The following SH3BGR variants were observed in gnomAD, a reference collection of about 807,000 sequenced individuals.
SH3BGR encodes SH3 domain binding glutamate rich protein.
SH3BGR carries 29 observed loss-of-function variants against 24.5 expected under a neutral mutation model. That is an observed-to-expected ratio of 1.18 (90% CI 0.88 to 1.61). The LOEUF (loss-of-function observed/expected upper bound fraction) is 1.61. Ranked by LOEUF, SH3BGR falls within the 40% of genes most tolerant of loss-of-function variation. SH3BGR has a pLI of 0.00. For missense variants in SH3BGR, 162 were observed against 205.8 expected (o/e 0.79, Z 1.30); for synonymous variants, 55 against 65.7 (o/e 0.84, Z 0.79).
chr21:39,467,530 A>G (rs900503729), intron 2 of SH3BGR, among the ~76,000 whole-genome samples: 7 of 152,150 alleles, frequency 4.6e-5, no homozygotes, highest in Admixed American at 2.0e-4. Flanking sequence ...TGTTTCCAGA[A>G]AGTAGGTAAA....
Position 39,511,164 on chromosome 21 carries a change from TTG to T in SH3BGR, c.436-509_436-508del, listed in dbSNP as rs1280401723. On this transcript the variant is annotated intron_variant, in intron 5 of 6. Coordinates refer to ENST00000333634, the MANE Select transcript of SH3BGR (RefSeq NM_007341.3). The surrounding 1 kb of genome is among the most constrained non-coding windows in gnomAD (Gnocchi z 4.2). Reference sequence around the variant, plus strand: ...TGTTGTATGTGTGGTGTATGTGTATTTGTGTGTGGTGTATATGGTGTGTGGTG... The same window carrying T: ...TGTTGTATGTGTGGTGTATGTGTATTTGTGTGGTGTATATGGTGTGTGGTG... Among the ~76,000 whole-genome samples, 1 of 150,918 alleles carries T rather than the reference TTG, an allele frequency of 6.6e-6. No homozygotes were observed. The highest frequency in any genetic ancestry group is 2.1e-4 in the South Asian group (1 of 4,778).
chr21:39,462,489 C>T lies in SH3BGR; in HGVS notation c.160C>T (p.Pro54Ser). ...CAGGAGGTGGATGAGAGAGAATGTTCCTGGAGAGAAAAAACCTCAAAATGG... is the reference window on the plus strand; with the variant it reads ...CAGGAGGTGGATGAGAGAGAATGTTTCTGGAGAGAAAAAACCTCAAAATGG... ...DNRRWMRENV[P>S]GEKKPQNGIP... Residue 54 changes from proline (P) to serine (S), a missense_variant, in exon 2 of 7, where the codon CCT becomes TCT. By Grantham distance (74) the Pro-to-Ser change is moderately conservative. Coordinates refer to ENST00000333634, the MANE Select transcript of SH3BGR (RefSeq NM_007341.3). 1.2e-6 allele frequency: 2 copies of T among 1,609,914 alleles called. No individual in the cohort carries two copies. Among genetic ancestry groups the T allele is most frequent in the Non-Finnish European group, 1.7e-6 (2 of 1,179,078 alleles).
chr21:39,499,750 AGCATATGTG>A (rs2078461367), intron 3 of SH3BGR, 64 bp from the exon 4 acceptor site: 1 of 1,081,058 alleles, frequency 9.3e-7, no homozygotes, highest in Non-Finnish European at 1.4e-6. Flanking sequence ...AGAAAGCCAC[AGCATATGTG>A]GCCTGTTTTT....
intron 4 of SH3BGR, among the ~76,000 whole-genome samples, chr21:39,500,432 A>G (rs967166904): frequency 2.6e-5 from 4 of 152,152 alleles, no homozygotes; most frequent in Non-Finnish European, 5.9e-5. Flanking sequence ...GTGAAGTCAC[A>G]TGATTAATTC....
upstream of SH3BGR, chr21:39,451,905 A>C (rs139909890): frequency 9.7e-4 from 1,571 of 1,613,800 alleles, 7 homozygotes; most frequent in Middle Eastern, 5.1e-3. Context: ...GGAGGAGCCC[A>C]AGATGCCTCT....
At chr21:39,508,102 A>G (rs1027382093) in intron 4 of SH3BGR, among the ~76,000 whole-genome samples, 2 of 152,188 alleles carry the variant, frequency 1.3e-5, no homozygotes, top group African/African-American at 4.8e-5. Flanking sequence ...TCATCTGTAT[A>G]AACATGGTGC....
intron 3 of SH3BGR, among the ~76,000 whole-genome samples, chr21:39,476,937 A>G (rs575712867): frequency 1.1e-4 from 17 of 152,282 alleles, no homozygotes; most frequent in Admixed American, 1.1e-3. Context: ...GAGTCCCAAT[A>G]AACAGAAGGG....
At chr21:39,498,312 A>G (rs2123493391) in intron 3 of SH3BGR, among the ~76,000 whole-genome samples, 1 of 152,314 alleles carries the variant, frequency 6.6e-6, no homozygotes, top group Non-Finnish European at 1.5e-5. Context: ...ATTTGCTCCC[A>G]TGAGCTTGCA....
At position 39,515,265 on chromosome 21, in the gene SH3BGR, G is replaced by C; in HGVS notation, c.*212G>C. On this transcript the variant is annotated 3_prime_UTR_variant, in exon 7 of 7. Coordinates refer to ENST00000333634, the MANE Select transcript of SH3BGR (RefSeq NM_007341.3). ...AAAATTAAATGTGAAGACCGTTTAT[G>C]CATACCTTCATGTGCCTGACAGTCT... 3.0e-6 allele frequency: 1 copy of C among 332,908 alleles called. No individual in the cohort carries two copies. The highest frequency in any genetic ancestry group is 6.2e-6 in the Non-Finnish European group (1 of 160,468). The allele number at this position is 332,908 out of a possible 1,614,324, so 20.6% of individuals were successfully genotyped here. A position where few individuals can be genotyped will look rare whatever the true frequency, so the allele number is the denominator to read the frequency against.
At chr21:39,504,477 G>T (rs932836759) in intron 4 of SH3BGR, among the ~76,000 whole-genome samples, 5 of 152,168 alleles carry the variant, frequency 3.3e-5, no homozygotes, top group African/African-American at 9.7e-5. Context: ...CCTGTCCTTA[G>T]TTCTGGCCAC....
chr21:39,482,851 G>A (rs934681628), intron 3 of SH3BGR, among the ~76,000 whole-genome samples: 1 of 152,142 alleles, frequency 6.6e-6, no homozygotes, highest in Non-Finnish European at 1.5e-5. Flanking sequence ...TGTATTTTTA[G>A]TAGAGACGAG....
chr21:39,450,552 G>A (rs1315604530), upstream of SH3BGR, among the ~76,000 whole-genome samples: 2 of 152,142 alleles, frequency 1.3e-5, no homozygotes, highest in African/African-American at 4.8e-5. Context: ...CGGAACGTCG[G>A]TGCCACCCAA....
At chr21:39,485,789 G>A (rs950407919) in intron 3 of SH3BGR, among the ~76,000 whole-genome samples, 1 of 149,642 alleles carries the variant, frequency 6.7e-6, no homozygotes, top group Non-Finnish European at 1.5e-5. Flanking sequence ...CAGGGTTCAC[G>A]CCATTCTCCT....
At chr21:39,457,073 T>C (rs1028655086) in intron 1 of SH3BGR, among the ~76,000 whole-genome samples, 1 of 148,176 alleles carries the variant, frequency 6.7e-6, no homozygotes, top group African/African-American at 2.5e-5. Flanking sequence ...ATATAAAATT[T>C]AAAAAAATTA....
At chr21:39,494,934 ATTTAT>A (rs2078367996) in intron 3 of SH3BGR, among the ~76,000 whole-genome samples, 1 of 151,508 alleles carries the variant, frequency 6.6e-6, no homozygotes, top group Non-Finnish European at 1.5e-5. Flanking sequence ...ATTTCTATTG[ATTTAT>A]TTTAAGTTCA....
chr21:39,508,684 A>G (rs1054388094), intron 4 of SH3BGR, among the ~76,000 whole-genome samples: 2 of 152,240 alleles, frequency 1.3e-5, no homozygotes, highest in African/African-American at 2.4e-5. Context: ...AGCACTATCA[A>G]TCTTTGGTAT....
At chr21:39,479,395 A>AGTGATGGTG (rs2078092684) in intron 3 of SH3BGR, among the ~76,000 whole-genome samples, 1 of 124,110 alleles carries the variant, frequency 8.1e-6, no homozygotes, top group African/African-American at 3.1e-5. Flanking sequence ...TGGTGGTGAC[A>AGTGATGGTG]GTGATGGTGG....
chr21:39,482,533 G>A (rs573048945), intron 3 of SH3BGR, among the ~76,000 whole-genome samples: 12 of 152,310 alleles, frequency 7.9e-5, no homozygotes, highest in Admixed American at 3.9e-4. Flanking sequence ...GAATGCCCTT[G>A]TTTTTAGAAG....
intron 3 of SH3BGR, among the ~76,000 whole-genome samples, chr21:39,498,475 G>A (rs1569171151): frequency 6.6e-6 from 1 of 152,150 alleles, no homozygotes. Flanking sequence ...TGAAGTGTGG[G>A]TGGTAATGAC....
Sources: allele counts gnomAD v4.1 joint callset (sites outside exome capture counted in the v4.1 genomes callset), GRCh38; gene constraint gnomAD v4.1.1; non-coding constraint Gnocchi (gnomAD v3.1); transcripts MANE v1.5; gene names NCBI Gene and HGNC (gene_info 2026-07-23, HGNC 2026-07-21).